The following CSNK1G3 variants were observed in gnomAD, a reference collection of about 807,000 sequenced individuals.
The protein encoded by CSNK1G3 is casein kinase I isoform gamma-3.
CSNK1G3 carries 23 observed loss-of-function variants against 64.3 expected under a neutral mutation model. The observed-to-expected ratio is 0.36, with a 90% CI of 0.26 to 0.51. The LOEUF is 0.51. Among genes scored for constraint, CSNK1G3 ranks in the 20% least tolerant of loss-of-function variants. The probability of loss-of-function intolerance (pLI) is 0.96; values close to 1 mark genes in which losing one functional copy is unlikely to be tolerated. For missense variants in CSNK1G3, 357 were observed against 510.5 expected (o/e 0.70, Z 2.90); for synonymous variants, 158 against 162.2 (o/e 0.97, Z 0.20).
chr5:123,534,525 G>A (rs186838961), intron 1 of CSNK1G3, among the ~76,000 whole-genome samples: 3 of 152,208 alleles, frequency 2.0e-5, no homozygotes, highest in African/African-American at 7.2e-5. Flanking sequence ...GAAGAAATAA[G>A]CGGCCATTTT....
chr5:123,522,768 C>G (rs1459833146), intron 1 of CSNK1G3, among the ~76,000 whole-genome samples: 7 of 151,988 alleles, frequency 4.6e-5, no homozygotes, highest in South Asian at 2.1e-4. Context: ...TGGTTGAATC[C>G]AAGGATGAGG....
intron 2 of CSNK1G3, among the ~76,000 whole-genome samples, chr5:123,547,737 A>G (rs1004080263): frequency 1.4e-4 from 22 of 152,042 alleles, no homozygotes; most frequent in Admixed American, 1.2e-3. Flanking sequence ...TAAATGTATT[A>G]TCTCTATATA....
intron 4 of CSNK1G3, among the ~76,000 whole-genome samples, chr5:123,559,264 A>G (rs1050628870): frequency 6.7e-6 from 1 of 149,120 alleles, no homozygotes; most frequent in Non-Finnish European, 1.5e-5. Flanking sequence ...GAAAAAAAAA[A>G]CCAGATCTAT....
Position 123,575,981 on chromosome 5 carries a change from A to T in CSNK1G3, c.673+18A>T. On this transcript the variant is annotated intron_variant, in intron 6 of 12. Transcript: ENST00000345990. ...AGGAAAAGGTATGTGTACCTTTCGT[A>T]AGTATGGAAGTTTGAACTTAGCAGC... 1 of 1,532,998 alleles carries T rather than the reference A, an allele frequency of 6.5e-7. No individual in the cohort carries two copies. Among genetic ancestry groups the T allele is most frequent in the Non-Finnish European group, 9.0e-7 (1 of 1,110,374 alleles). The allele number at this position is 1,532,998 out of a possible 1,614,324, so 95.0% of individuals were successfully genotyped here. A position where few individuals can be genotyped will look rare whatever the true frequency, so the allele number is the denominator to read the frequency against.
At chr5:123,531,304 G>T (rs1253408974) in intron 1 of CSNK1G3, among the ~76,000 whole-genome samples, 1 of 151,984 alleles carries the variant, frequency 6.6e-6, no homozygotes, top group Non-Finnish European at 1.5e-5. Context: ...TTTCTCCTTA[G>T]ACTTAAGTAG....
At chr5:123,609,678 G>C (rs1025756776) in intron 12 of CSNK1G3, among the ~76,000 whole-genome samples, 4 of 152,152 alleles carry the variant, frequency 2.6e-5, no homozygotes, top group Admixed American at 1.3e-4. Flanking sequence ...AAGATACTGA[G>C]GTAAGAAATC....
chr5:123,533,992 A>G (rs1780397425), intron 1 of CSNK1G3, among the ~76,000 whole-genome samples: 1 of 151,456 alleles, frequency 6.6e-6, no homozygotes, highest in South Asian at 2.1e-4. Context: ...TTTTTTCTTC[A>G]TAAAATTCTT....
chr5:123,553,199 G>T, intron 3 of CSNK1G3, 52 bp downstream of exon 3: 1 of 957,640 alleles, frequency 1.0e-6, no homozygotes, highest in Non-Finnish European at 1.5e-6. Context: ...TACTTTTTAA[G>T]TAACTTATAT....
At chr5:123,552,908 T>C (rs939662058) in intron 2 of CSNK1G3, 199 bp from the exon 3 acceptor site, 2 of 347,020 alleles carry the variant, frequency 5.8e-6, no homozygotes, top group Non-Finnish European at 5.4e-6. Context: ...CACTTTCTAC[T>C]CTGAATCTAG....
chr5:123,543,516 C>T (rs1365901410), intron 1 of CSNK1G3, among the ~76,000 whole-genome samples: 2 of 152,128 alleles, frequency 1.3e-5, no homozygotes, highest in Non-Finnish European at 1.5e-5. Context: ...CCGCACCACT[C>T]CACTGCAAAA....
At chr5:123,585,370 A>C (rs1032829028) in intron 6 of CSNK1G3, among the ~76,000 whole-genome samples, 4 of 152,150 alleles carry the variant, frequency 2.6e-5, no homozygotes, top group Non-Finnish European at 5.9e-5. Context: ...AAATTTCTAG[A>C]AGAAAAAACA....
chr5:123,597,835 C>G (rs1016175208), intron 10 of CSNK1G3, among the ~76,000 whole-genome samples: 1 of 152,014 alleles, frequency 6.6e-6, no homozygotes, highest in Non-Finnish European at 1.5e-5. Context: ...ATTCCTCTAC[C>G]TTATGGTTTT....
At chr5:123,532,738 TCA>T (rs1226496374) in intron 1 of CSNK1G3, among the ~76,000 whole-genome samples, 1 of 151,956 alleles carries the variant, frequency 6.6e-6, no homozygotes, top group Non-Finnish European at 1.5e-5. Flanking sequence ...TTCTCAAATT[TCA>T]CAGTGTTTTT....
intron 3 of CSNK1G3, among the ~76,000 whole-genome samples, chr5:123,556,733 C>T (rs949130084): frequency 4.6e-5 from 7 of 151,124 alleles, no homozygotes; most frequent in East Asian, 1.9e-4. Context: ...TTATTTCTAA[C>T]GTCTAAAACC....
intron 1 of CSNK1G3, among the ~76,000 whole-genome samples, chr5:123,539,031 C>T (rs527305422): frequency 5.9e-5 from 9 of 152,142 alleles, no homozygotes; most frequent in South Asian, 2.1e-4. Flanking sequence ...TTTGTAGAGA[C>T]GGGGTTTTGC....
rs1181713664 is a variant in CSNK1G3, at chr5:123,552,864, A to G, written c.179-243A>G. ...AGAAAGTCAGAATCTTTCCATTTTT[A>G]TAAGTGGGCTACTAGTATCTGTAGT... On this transcript the variant is annotated intron_variant, in intron 2 of 12. Coordinates refer to ENST00000345990, the Ensembl canonical transcript of CSNK1G3. The G allele has an allele frequency of 1.5e-5, 4 of 261,872 alleles. No individual in the cohort carries two copies. The South Asian group carries it at 4.8e-4, about 32-fold the overall frequency. The allele number at this position is 261,872 out of a possible 1,614,324, so 16.2% of individuals were successfully genotyped here.
chr5:123,600,917 T>TTTA (rs1554083351), intron 10 of CSNK1G3, among the ~76,000 whole-genome samples: 1 of 151,120 alleles, frequency 6.6e-6, no homozygotes, highest in African/African-American at 2.4e-5. Flanking sequence ...TTTTTTTTTT[T>TTTA]ATCTTCTTAA....
chr5:123,545,849 T>C lies in CSNK1G3; in HGVS notation c.178+8T>C, dbSNP rs536917070. ...TTGGAGAATTACGATTAGGTAAGACTATTTTGTTTATTCCATTATGTTAGA... is the reference window on the plus strand; with the variant it reads ...TTGGAGAATTACGATTAGGTAAGACCATTTTGTTTATTCCATTATGTTAGA... On this transcript the variant is annotated splice_region_variant and intron_variant, in intron 2 of 12. Coordinates refer to ENST00000345990, the Ensembl canonical transcript of CSNK1G3. The C allele has an allele frequency of 6.2e-7, 1 of 1,602,024 alleles. No homozygotes were observed. The highest frequency in any genetic ancestry group is 1.1e-5 in the South Asian group (1 of 90,708).
intron 1 of CSNK1G3, among the ~76,000 whole-genome samples, chr5:123,532,973 CTT>C (rs1176327824): frequency 1.3e-5 from 2 of 151,810 alleles, no homozygotes; most frequent in Non-Finnish European, 3.0e-5. Context: ...ACACTTTTCT[CTT>C]TGATACTATG....
Sources: gnomAD v4.1 joint callset for allele counts (sites outside exome capture counted in the v4.1 genomes callset) on GRCh38, gnomAD v4.1.1 for gene constraint, MANE v1.5 for transcripts, NCBI Gene and HGNC (gene_info 2026-07-23, HGNC 2026-07-21) for gene names.